The following GRID2 variants were observed in gnomAD, a reference collection of about 807,000 sequenced individuals.
GRID2 encodes the protein glutamate ionotropic receptor delta type subunit 2.
Under a neutral mutation model 114.8 loss-of-function variants are expected in GRID2, and 33 were observed. The ratio of observed to expected loss-of-function variants is 0.29; its 90% confidence interval spans 0.22 to 0.38. The LOEUF is 0.38. Ranked by LOEUF, GRID2 falls within the 10% of genes least tolerant of loss-of-function variation. The pLI, the probability that GRID2 is intolerant of heterozygous loss-of-function variation, is 1.00. For synonymous variants in GRID2, 505 were observed against 449.9 expected (o/e 1.12, Z -1.55); for missense variants, 1,184 against 1,257.7 (o/e 0.94, Z 0.89).
rs542071103 is a variant in GRID2, at chr4:92,832,687, C to A, written c.244+242401C>A. On this transcript the variant is annotated intron_variant, in intron 2 of 15. Transcript: ENST00000282020. ...GGGATCACAAGGGTGAAGCACCACACCTGGCCAGAGAATCTCTTGAACCCA... is the reference window on the plus strand; with the variant it reads ...GGGATCACAAGGGTGAAGCACCACAACTGGCCAGAGAATCTCTTGAACCCA... Among the ~76,000 whole-genome samples, 11 of 152,186 alleles carry A rather than the reference C, an allele frequency of 7.2e-5. No homozygotes were observed. In the East Asian group the frequency reaches 2.2e-3, roughly 30 times the overall value.
At chr4:93,717,232 A>G (rs1161862374) in intron 14 of GRID2, among the ~76,000 whole-genome samples, 2 of 152,138 alleles carry the variant, frequency 1.3e-5, no homozygotes, top group African/African-American at 2.4e-5. Flanking sequence ...CTCTTTTTAA[A>G]TTCTTGTCCT....
At chr4:92,649,366 A>G (rs1731813657) in intron 2 of GRID2, among the ~76,000 whole-genome samples, 1 of 150,618 alleles carries the variant, frequency 6.6e-6, no homozygotes, top group Admixed American at 6.6e-5. Flanking sequence ...CACAAGAACC[A>G]TGAGCTCTGA....
chr4:93,200,038 G>T (rs1489149848), intron 4 of GRID2, among the ~76,000 whole-genome samples: 3 of 152,194 alleles, frequency 2.0e-5, no homozygotes, highest in Admixed American at 6.5e-5. Flanking sequence ...TTTAGTTTTA[G>T]CAGAACTCTA....
At chr4:92,592,880 T>C (rs554711111) in intron 2 of GRID2, among the ~76,000 whole-genome samples, 154 of 152,114 alleles carry the variant, frequency 1.0e-3, no homozygotes, top group Non-Finnish European at 1.6e-3. Context: ...TATTGAAAGA[T>C]AACAAACAAC....
At chr4:93,180,604 A>G (rs946090702) in intron 4 of GRID2, among the ~76,000 whole-genome samples, 1 of 152,156 alleles carries the variant, frequency 6.6e-6, no homozygotes. Flanking sequence ...CTTCTGTCAA[A>G]ATTGGAGTCT....
chr4:92,456,138 G>A (rs1255497640), intron 1 of GRID2, among the ~76,000 whole-genome samples: 1 of 149,116 alleles, frequency 6.7e-6, no homozygotes, highest in Admixed American at 6.7e-5. Context: ...GCAATAAAAT[G>A]AACTTTTTTG....
intron 1 of GRID2, among the ~76,000 whole-genome samples, chr4:92,306,447 T>C (rs1160064980): frequency 2.0e-5 from 3 of 152,174 alleles, no homozygotes; most frequent in African/African-American, 4.8e-5. Flanking sequence ...ATGCTCCTTT[T>C]AGAGAAATGG....
intron 6 of GRID2, among the ~76,000 whole-genome samples, chr4:93,221,703 G>A (rs543668511): frequency 7.2e-5 from 11 of 152,256 alleles, no homozygotes; most frequent in Admixed American, 5.2e-4. Context: ...GTGTAGCATA[G>A]GAAAGAGTGT....
chr4:93,253,208 A>G (rs1224808576), intron 8 of GRID2, among the ~76,000 whole-genome samples: 1 of 152,048 alleles, frequency 6.6e-6, no homozygotes, highest in African/African-American at 2.4e-5. Context: ...GTGAGCTGAG[A>G]TAGCGCCACT....
chr4:93,508,224 G>A (rs1728837545), intron 12 of GRID2, among the ~76,000 whole-genome samples: 1 of 146,046 alleles, frequency 6.8e-6, no homozygotes, highest in Non-Finnish European at 1.5e-5. Context: ...TTTTGACGGA[G>A]TCTTGGTCTG....
intron 1 of GRID2, among the ~76,000 whole-genome samples, chr4:92,407,557 T>A (rs1731089745): frequency 6.6e-6 from 1 of 152,166 alleles, no homozygotes; most frequent in South Asian, 2.1e-4. Context: ...CAAAAGTTTA[T>A]AAGCATTGTA....
At chr4:92,685,312 C>T (rs1254617630) in intron 2 of GRID2, among the ~76,000 whole-genome samples, 14 of 152,034 alleles carry the variant, frequency 9.2e-5, no homozygotes, top group Non-Finnish European at 1.9e-4. Context: ...TTAGGAATTT[C>T]CCGTGCCCAG....
chr4:92,802,979 G>A (rs1354328151), intron 2 of GRID2, among the ~76,000 whole-genome samples: 4 of 152,038 alleles, frequency 2.6e-5, no homozygotes, highest in South Asian at 4.1e-4. Flanking sequence ...ACCCAAGATT[G>A]CCCTCACAGA....
chr4:92,798,161 C>T (rs776045998), intron 2 of GRID2, among the ~76,000 whole-genome samples: 6 of 151,806 alleles, frequency 4.0e-5, no homozygotes, highest in Non-Finnish European at 7.4e-5. Flanking sequence ...TTTTAAGAAG[C>T]GGATATTTCA....
intron 2 of GRID2, among the ~76,000 whole-genome samples, chr4:93,053,518 CAA>C (rs1726922658): frequency 6.6e-6 from 1 of 151,938 alleles, no homozygotes. Flanking sequence ...ACAGACTTAT[CAA>C]AGTCTCATTG....
intron 2 of GRID2, among the ~76,000 whole-genome samples, chr4:92,945,093 T>A (rs1312687354): frequency 2.0e-5 from 3 of 152,210 alleles, no homozygotes; most frequent in African/African-American, 7.2e-5. Context: ...AGATTTTAAC[T>A]GTTCCTGTAA....
intron 7 of GRID2, among the ~76,000 whole-genome samples, chr4:93,226,893 C>A (rs1304220647): frequency 6.6e-6 from 1 of 152,144 alleles, no homozygotes; most frequent in East Asian, 1.9e-4. Context: ...ATTGATGATA[C>A]CACAGCTTAC....
chr4:93,188,099 A>T (rs1740616877), intron 4 of GRID2, among the ~76,000 whole-genome samples: 1 of 152,312 alleles, frequency 6.6e-6, no homozygotes, highest in South Asian at 2.1e-4. Flanking sequence ...TGAAGGCTGT[A>T]CTATTCTGGA....
intron 2 of GRID2, among the ~76,000 whole-genome samples, chr4:93,066,047 G>A (rs1286296891): frequency 6.6e-6 from 1 of 151,750 alleles, no homozygotes; most frequent in Non-Finnish European, 1.5e-5. Flanking sequence ...ATGAAACTCA[G>A]GGAGGTTAAG....
Sources: allele counts gnomAD v4.1 joint callset (sites outside exome capture counted in the v4.1 genomes callset), GRCh38; gene constraint gnomAD v4.1.1; transcripts MANE v1.5; gene names NCBI Gene and HGNC (gene_info 2026-07-23, HGNC 2026-07-21).